Variants in CACNA2D3 observed in about 807,000 individuals in gnomAD.
The protein encoded by CACNA2D3 is calcium voltage-gated channel auxiliary subunit alpha2delta 3.
Under a neutral mutation model 160.6 loss-of-function variants are expected in CACNA2D3, and 60 were observed. That is an observed-to-expected ratio of 0.37 (90% confidence interval 0.30 to 0.46). CACNA2D3 has a LOEUF of 0.46. Ranked by LOEUF, CACNA2D3 falls within the 20% of genes least tolerant of loss-of-function variation. The probability of loss-of-function intolerance (pLI) is 1.00; values close to 1 mark genes in which losing one functional copy is unlikely to be tolerated. For synonymous variants in CACNA2D3, 558 were observed against 492.9 expected, an observed-to-expected ratio of 1.13 and a Z score of -1.75; for missense variants, 1,205 against 1,365.0, an observed-to-expected ratio of 0.88 and a Z score of 1.85.
At chr3:54,528,774 C>T (rs1057128775) in intron 5 of CACNA2D3, among the ~76,000 whole-genome samples, 2 of 152,122 alleles carry the variant, frequency 1.3e-5, no homozygotes, top group African/African-American at 2.4e-5. Context: ...TGTAATTGCC[C>T]CTTAAACATG....
intron 4 of CACNA2D3, among the ~76,000 whole-genome samples, chr3:54,439,517 G>GT (rs1217785399): frequency 1.1e-4 from 16 of 152,198 alleles, no homozygotes; most frequent in Non-Finnish European, 5.9e-5. Flanking sequence ...GTGCCAGAAA[G>GT]TGACTCCTGC....
chr3:55,066,575 C>G (rs907593741), intron 35 of CACNA2D3, among the ~76,000 whole-genome samples: 1 of 152,072 alleles, frequency 6.6e-6, no homozygotes, highest in African/African-American at 2.4e-5. Flanking sequence ...AGGAAAGCCC[C>G]TCTCGGAAGA....
intron 35 of CACNA2D3, among the ~76,000 whole-genome samples, chr3:55,051,786 G>T (rs1023743644): frequency 7.9e-5 from 12 of 152,184 alleles, no homozygotes; most frequent in Non-Finnish European, 1.5e-4. Flanking sequence ...CTCCGAGCCA[G>T]GTGTGGGATA....
intron 29 of CACNA2D3, among the ~76,000 whole-genome samples, chr3:54,981,649 G>A (rs371521526): frequency 1.4e-4 from 21 of 152,306 alleles, no homozygotes; most frequent in Non-Finnish European, 2.6e-4. Context: ...CTGAGCAGCC[G>A]TAGTGACCGG....
chr3:55,031,250 A>G (rs1575443570), intron 35 of CACNA2D3, among the ~76,000 whole-genome samples: 1 of 152,148 alleles, frequency 6.6e-6, no homozygotes, highest in East Asian at 1.9e-4. Flanking sequence ...CCCTACCTCA[A>G]AGAGCAGTCT....
intron 2 of CACNA2D3, among the ~76,000 whole-genome samples, chr3:54,313,570 G>A (rs898040562): frequency 3.9e-5 from 6 of 152,036 alleles, no homozygotes; most frequent in Non-Finnish European, 5.9e-5. Context: ...TGATGACCTG[G>A]CCTCTGCTCA....
intron 27 of CACNA2D3, among the ~76,000 whole-genome samples, chr3:54,948,857 C>G (rs925127029): frequency 6.6e-6 from 1 of 152,174 alleles, no homozygotes; most frequent in African/African-American, 2.4e-5. Flanking sequence ...CCACCAAACT[C>G]AGATTGGTTT....
intron 9 of CACNA2D3, among the ~76,000 whole-genome samples, chr3:54,586,551 A>G (rs964294848): frequency 1.3e-5 from 2 of 152,246 alleles, no homozygotes; most frequent in Non-Finnish European, 2.9e-5. Flanking sequence ...AGCTGAGGAT[A>G]GAAATAGACA....
intron 6 of CACNA2D3, 92 bp downstream of exon 6, chr3:54,563,023 GC>G: frequency 8.1e-7 from 1 of 1,239,598 alleles, no homozygotes. Flanking sequence ...AAACTTTTCT[GC>G]CTTTTCTTAG....
At chr3:54,164,958 G>A (rs545893544) in intron 2 of CACNA2D3, among the ~76,000 whole-genome samples, 1 of 152,290 alleles carries the variant, frequency 6.6e-6, no homozygotes, top group Non-Finnish European at 1.5e-5. Flanking sequence ...GCCATGCTAG[G>A]GGGATCAGTA....
intron 11 of CACNA2D3, among the ~76,000 whole-genome samples, chr3:54,649,449 A>G (rs993570093): frequency 1.5e-4 from 23 of 152,228 alleles, no homozygotes; most frequent in African/African-American, 5.1e-4. Flanking sequence ...GAGACTCCCT[A>G]TCTCAGTCAG....
Position 54,885,323 on chromosome 3 carries a change from A to T in CACNA2D3, c.1955A>T (p.Glu652Val). ...LEHPDVSLAD[E>V]WSYCNTDLHP... ...CATCCCGATGTGTCCTTGGCAGATG[A>T]ATGGTAAGAATTAAACCATCCCTCC... The change falls in exon 22 of 38, where the codon GAA (glutamate) becomes GTA (valine). Residue 652 changes from glutamate (E) to valine (V), a missense_variant. By Grantham distance (121) the Glu-to-Val change is moderately radical. Coordinates refer to ENST00000474759, the MANE Select transcript of CACNA2D3 (RefSeq NM_018398.3). The T allele has an allele frequency of 6.2e-7, 1 of 1,613,896 alleles. No individual in the cohort carries two copies. Among genetic ancestry groups the T allele is most frequent in the Non-Finnish European group, 8.5e-7 (1 of 1,179,806 alleles).
intron 4 of CACNA2D3, 31 bp downstream of exon 4, chr3:54,386,805 TTG>T: frequency 6.4e-7 from 1 of 1,559,156 alleles, no homozygotes; most frequent in Non-Finnish European, 8.7e-7. Flanking sequence ...TTAAATTGTT[TTG>T]TGTGTTTCCT....
At chr3:54,808,542 G>A (rs111992552) in intron 13 of CACNA2D3, among the ~76,000 whole-genome samples, 4,067 of 152,272 alleles carry the variant, frequency 0.027, 176 homozygotes, top group African/African-American at 0.091. Context: ...CCCTGAGCCA[G>A]TTGCTGTGGC....
intron 1 of CACNA2D3, 158 bp from the exon 2 acceptor site, chr3:54,123,355 C>A: frequency 1.6e-6 from 1 of 626,940 alleles, no homozygotes. Context: ...TTGGTGCTGG[C>A]AGTTTCTACC....
At chr3:54,283,797 A>G (rs758916677) in intron 2 of CACNA2D3, among the ~76,000 whole-genome samples, 9 of 151,978 alleles carry the variant, frequency 5.9e-5, no homozygotes, top group Non-Finnish European at 1.0e-4. Context: ...TTTTTTTTAA[A>G]CTACTCCTCT....
intron 2 of CACNA2D3, among the ~76,000 whole-genome samples, chr3:54,206,432 A>G (rs1474611674): frequency 2.6e-5 from 4 of 152,308 alleles, no homozygotes; most frequent in Non-Finnish European, 4.4e-5. Flanking sequence ...AAAGAGTTCT[A>G]GAGACTCTGT....
At chr3:55,012,539 A>G (rs531139763) in intron 34 of CACNA2D3, among the ~76,000 whole-genome samples, 43 of 152,072 alleles carry the variant, frequency 2.8e-4, no homozygotes, top group Middle Eastern at 3.4e-3. Flanking sequence ...TTTTGGTCCT[A>G]TGGATTCTAG....
chr3:54,499,369 A>G (rs983072166), intron 4 of CACNA2D3, among the ~76,000 whole-genome samples: 3 of 152,056 alleles, frequency 2.0e-5, no homozygotes, highest in Non-Finnish European at 1.5e-5. Context: ...TTTTGGTTTC[A>G]TTGATACTAC....
Sources: gnomAD v4.1 joint callset for allele counts (sites outside exome capture counted in the v4.1 genomes callset) on GRCh38, gnomAD v4.1.1 for gene constraint, MANE v1.5 for transcripts, NCBI Gene and HGNC (gene_info 2026-07-23, HGNC 2026-07-21) for gene names.